FRYL: variants seen among roughly 807,000 people sequenced by gnomAD.
FRYL encodes the protein protein furry homolog-like.
Under a neutral mutation model 351.2 loss-of-function variants are expected in FRYL, and 150 were observed. The ratio of observed to expected loss-of-function variants is 0.43; its 90% CI spans 0.37 to 0.49. FRYL has a LOEUF of 0.49. Among genes scored for constraint, FRYL ranks in the 20% least tolerant of loss-of-function variants. FRYL has a pLI of 0.00. For synonymous variants in FRYL, 1,153 were observed against 1,257.1 expected, an observed-to-expected ratio of 0.92 and a Z score of 1.75; for missense variants, 3,036 against 3,619.3, an observed-to-expected ratio of 0.84 and a Z score of 4.13.
At chr4:48,681,331 C>T (rs1764581103) in intron 3 of FRYL, among the ~76,000 whole-genome samples, 1 of 152,110 alleles carries the variant, frequency 6.6e-6, no homozygotes, top group African/African-American at 2.4e-5. Context: ...TGATAACAAA[C>T]CAAACAGCTA....
At chr4:48,563,808 C>A in intron 31 of FRYL, 140 bp downstream of exon 31, 2 of 803,468 alleles carry the variant, frequency 2.5e-6, no homozygotes, top group Non-Finnish European at 3.9e-6. Context: ...ATTTTGGGAT[C>A]TGAGAGGGGT....
intron 40 of FRYL, among the ~76,000 whole-genome samples, chr4:48,548,465 A>C (rs1296434063): frequency 6.6e-6 from 1 of 152,190 alleles, no homozygotes; most frequent in Non-Finnish European, 1.5e-5. Flanking sequence ...AGGCGAGGCC[A>C]TAAGATAGGA....
chr4:48,678,240 G>A (rs1199237397), intron 3 of FRYL, among the ~76,000 whole-genome samples: 3 of 151,970 alleles, frequency 2.0e-5, no homozygotes, highest in African/African-American at 7.3e-5. Context: ...CATTTCAAAC[G>A]ATGAAGCACA....
chr4:48,544,877 C>G lies in FRYL; in HGVS notation c.5307G>C (p.Glu1769Asp). The G allele has an allele frequency of 1.2e-6, 2 of 1,606,022 alleles. No individual in the cohort carries two copies. Among genetic ancestry groups the G allele is most frequent in the Non-Finnish European group, 1.7e-6 (2 of 1,177,358 alleles). ...TGCTAGGATTCTTGGCAGAAACATC[C>G]TCATGGTTCCAAAGGGGCCCTCTTT... is the stretch of plus-strand genomic sequence containing the variant. Reference protein sequence around the residue: ...SRKRGPLWNHEDVSAKNPSIK... With the variant: ...SRKRGPLWNHDDVSAKNPSIK... The change falls in exon 43 of 64, where the codon GAG (glutamate) becomes GAC (aspartate). Residue 1769 changes from glutamate to aspartate, a missense_variant. Around this residue, in one of 7 missense-constraint regions of FRYL, gnomAD observed 1,987 missense variants for 2,311.7 expected, o/e 0.86. Coordinates refer to ENST00000358350, the MANE Select transcript of FRYL (RefSeq NM_015030.2).
chr4:48,628,301 T>C (rs1191819762), intron 4 of FRYL, among the ~76,000 whole-genome samples: 1 of 152,146 alleles, frequency 6.6e-6, no homozygotes, highest in Non-Finnish European at 1.5e-5. Context: ...ATATGTAATA[T>C]TCGACTGTTA....
At position 48,579,148 on chromosome 4, in the gene FRYL, G is replaced by T; in HGVS notation, c.2353C>A (p.Pro785Thr). ...TGTGCAAATATCCATATATGTGATG[G>T]ACTAATCACATCAAACTGGTGGCTA... is the stretch of plus-strand genomic sequence containing the variant. ...PISHQFDVIS[P>T]SHIWIFAHVT... Residue 785 changes from proline (P) to threonine (T), a missense_variant, in exon 23 of 64, where the codon CCA becomes ACA. Physicochemically the swap from Pro to Thr is conservative, Grantham distance 38. This residue lies in a region of FRYL where 492 missense variants were observed against 551.5 expected (regional missense o/e 0.89). Coordinates refer to ENST00000358350, the MANE Select transcript of FRYL (RefSeq NM_015030.2). The T allele has an allele frequency of 3.7e-6, 6 of 1,611,568 alleles. No individual in the cohort carries two copies. Among genetic ancestry groups the T allele is most frequent in the Non-Finnish European group, 5.1e-6 (6 of 1,177,710 alleles).
chr4:48,706,274 T>C (rs1560886115), intron 2 of FRYL, among the ~76,000 whole-genome samples: 1 of 152,166 alleles, frequency 6.6e-6, no homozygotes, highest in Non-Finnish European at 1.5e-5. Flanking sequence ...ATGGATAAAA[T>C]GTGGTATGTA....
chr4:48,644,497 T>TA (rs61422049), intron 3 of FRYL, among the ~76,000 whole-genome samples: 51 of 117,610 alleles, frequency 4.3e-4, no homozygotes, highest in East Asian at 1.3e-3. Flanking sequence ...CAGATAATTG[T>TA]AAAAAAAAAA....
intron 1 of FRYL, among the ~76,000 whole-genome samples, chr4:48,758,619 T>C (rs1290114967): frequency 4.6e-5 from 7 of 152,184 alleles, no homozygotes; most frequent in Non-Finnish European, 2.9e-5. Context: ...GGGAACACTT[T>C]TACACTGTTG....
At chr4:48,680,761 G>T (rs1382066924) in intron 3 of FRYL, among the ~76,000 whole-genome samples, 1 of 151,998 alleles carries the variant, frequency 6.6e-6, no homozygotes, top group African/African-American at 2.4e-5. Context: ...TATACTTGAA[G>T]AAAAATTTTA....
chr4:48,779,325 C>T (rs1225174729), intron 1 of FRYL, among the ~76,000 whole-genome samples: 1 of 152,220 alleles, frequency 6.6e-6, no homozygotes, highest in East Asian at 1.9e-4. Context: ...CGAGTCAGCT[C>T]GCGGGCGGTG....
chr4:48,694,106 T>C (rs1765912319), intron 2 of FRYL, among the ~76,000 whole-genome samples: 2 of 152,230 alleles, frequency 1.3e-5, no homozygotes, highest in African/African-American at 4.8e-5. Context: ...ATGCTTGACT[T>C]TGGTGTCAGG....
At position 48,540,075 on chromosome 4, in the gene FRYL, A is replaced by C. The variant is rs779212740; in HGVS notation, c.6296-7T>G. 2 of 1,599,440 alleles carry C rather than the reference A, an allele frequency of 1.3e-6. No homozygotes were observed. The highest frequency in any genetic ancestry group is 2.3e-5 in the South Asian group (2 of 88,708). On this transcript the variant is annotated splice_polypyrimidine_tract_variant and splice_region_variant and intron_variant, in intron 46 of 63. Transcript: ENST00000358350. The stretch of plus-strand genomic sequence containing the variant: ...AGGATGTTAAGAGGAAAGCCTATCA[A>C]AACAAAAAAAAGCAAACAATAACCA...
rs542545791 is a variant in FRYL, at chr4:48,617,093, T to C, written c.411+2181A>G. On this transcript the variant is annotated intron_variant, in intron 7 of 63. Transcript: ENST00000358350. ...AAGTGTATCTATGTTCTTGGTGAGATACATATAAATGTATATATTTTTTGA... is the reference window on the plus strand; with the variant it reads ...AAGTGTATCTATGTTCTTGGTGAGACACATATAAATGTATATATTTTTTGA... 7.2e-5 allele frequency among the ~76,000 whole-genome samples: 11 copies of C among 152,290 alleles called. No homozygotes were observed. The South Asian group carries it at 2.3e-3, about 32-fold the overall frequency.
intron 3 of FRYL, among the ~76,000 whole-genome samples, chr4:48,656,456 A>G (rs1479450367): frequency 1.5e-5 from 2 of 135,432 alleles, no homozygotes; most frequent in East Asian, 4.1e-4. Context: ...TGTACATATA[A>G]TCATGTACAT....
intron 1 of FRYL, among the ~76,000 whole-genome samples, chr4:48,753,548 C>T (rs928104343): frequency 2.6e-5 from 4 of 151,982 alleles, no homozygotes; most frequent in Admixed American, 1.3e-4. Flanking sequence ...GTACAAGTCC[C>T]TTATTAGATA....
At chr4:48,507,715 T>TGATA (rs1553913544) in intron 59 of FRYL, among the ~76,000 whole-genome samples, 14 of 148,072 alleles carry the variant, frequency 9.5e-5, no homozygotes, top group African/African-American at 3.5e-4. Flanking sequence ...GATAGATAGA[T>TGATA]GATAGATAGA....
intron 1 of FRYL, among the ~76,000 whole-genome samples, chr4:48,712,414 G>A (rs1001844704): frequency 1.3e-5 from 2 of 152,332 alleles, no homozygotes; most frequent in African/African-American, 2.4e-5. Flanking sequence ...AGAACTACAT[G>A]AAGAATGCAG....
In FRYL at chr4:48,666,323, C is replaced by T. The variant is rs1160165471; in HGVS notation, c.-81+18350G>A. Reference sequence around the variant, plus strand: ...TGGAGGTTGCAGTGAGCCGAGACCACGCCACTGCACTCCAGCCTGGGTGAC... The same window carrying T: ...TGGAGGTTGCAGTGAGCCGAGACCATGCCACTGCACTCCAGCCTGGGTGAC... On this transcript the variant is annotated intron_variant, in intron 3 of 63. Transcript: ENST00000358350. 9.9e-5 allele frequency among the ~76,000 whole-genome samples: 15 copies of T among 151,960 alleles called. 1 individual carries two copies. Among genetic ancestry groups the T allele is most frequent in the Admixed American group, 2.6e-4 (4 of 15,268 alleles).
Sources: gnomAD v4.1 joint callset for allele counts (sites outside exome capture counted in the v4.1 genomes callset) on GRCh38, gnomAD v4.1.1 for gene constraint, gnomAD v4.1.1 regional missense constraint, MANE v1.5 for transcripts, NCBI Gene and HGNC (gene_info 2026-07-23, HGNC 2026-07-21) for gene names.